CAV3: variants seen among roughly 807,000 people sequenced by gnomAD.
CAV3 encodes the protein caveolin 3.
Under a neutral mutation model 13.4 loss-of-function variants are expected in CAV3, and 10 were observed. The ratio of observed to expected loss-of-function variants is 0.75; its 90% CI spans 0.46 to 1.27. The LOEUF is 1.27. CAV3 is among the 50% of genes most tolerant of loss of function. The pLI, the probability that CAV3 is intolerant of heterozygous loss-of-function variation, is 0.00. For missense variants in CAV3, 162 were observed against 194.0 expected (o/e 0.83, Z 0.98); for synonymous variants, 90 against 79.0 (o/e 1.14, Z -0.74).
Position 8,733,814 on chromosome 3 carries a change from T to C in CAV3, c.-63T>C. The C allele has an allele frequency of 1.0e-6, 1 of 991,484 alleles. No homozygotes were observed. The highest frequency in any genetic ancestry group is 1.3e-5 in the South Asian group (1 of 76,054). 61.4% of individuals were successfully genotyped at this position (991,484 alleles called of 1,614,324 possible). A position where few individuals can be genotyped will look rare whatever the true frequency, so the allele number is the denominator to read the frequency against. ...ACTGAATTGGTCTCTCTGCCCCAAG[T>C]ATTTTCAGCCCCAGCCGGCCACACA... On this transcript the variant is annotated 5_prime_UTR_variant, in exon 1 of 2. Transcript: ENST00000343849.
intron 1 of CAV3, among the ~76,000 whole-genome samples, chr3:8,744,484 G>A (rs1343581084): frequency 7.4e-6 from 1 of 135,130 alleles, no homozygotes; most frequent in African/African-American, 2.9e-5. Flanking sequence ...TTTTAGTAGA[G>A]ACAGGGTTTC....
At chr3:8,742,577 G>A (rs1708011033) in intron 1 of CAV3, 2 of 451,526 alleles carry the variant, frequency 4.4e-6, no homozygotes, top group South Asian at 1.6e-5. Flanking sequence ...TTTCTCAGAT[G>A]TATTTTCGAG....
chr3:8,734,505 C>A (rs924187765), intron 1 of CAV3, among the ~76,000 whole-genome samples: 1 of 152,084 alleles, frequency 6.6e-6, no homozygotes, highest in Non-Finnish European at 1.5e-5. Flanking sequence ...CCATGCCCAG[C>A]CCTCCCCTAG....
intron 1 of CAV3, among the ~76,000 whole-genome samples, chr3:8,736,109 T>C (rs1707744590): frequency 6.6e-6 from 1 of 152,220 alleles, no homozygotes; most frequent in South Asian, 2.1e-4. Flanking sequence ...ATATTATTAG[T>C]TATGGTTTCC....
At chr3:8,740,583 C>T (rs927622534) in intron 1 of CAV3, among the ~76,000 whole-genome samples, 1 of 152,192 alleles carries the variant, frequency 6.6e-6, no homozygotes, top group African/African-American at 2.4e-5. Flanking sequence ...CCTTGCAGCC[C>T]TCTGTTATCT....
At chr3:8,737,605 T>G (rs998048520) in intron 1 of CAV3, among the ~76,000 whole-genome samples, 5 of 152,110 alleles carry the variant, frequency 3.3e-5, no homozygotes, top group Non-Finnish European at 7.4e-5. Flanking sequence ...TCATGGAGAT[T>G]GTAGCTGAGG....
At chr3:8,739,078 G>A (rs1332519637) in intron 1 of CAV3, among the ~76,000 whole-genome samples, 1 of 152,178 alleles carries the variant, frequency 6.6e-6, no homozygotes, top group Non-Finnish European at 1.5e-5. Flanking sequence ...GAAATGTCTT[G>A]CCCTCTGTCA....
rs1708165457 is a variant in CAV3 at position 8,746,460 on chromosome 3, T to TAC, written c.*596_*597dup. On this transcript the variant is annotated 3_prime_UTR_variant, in exon 2 of 2. Coordinates refer to ENST00000343849, the MANE Select transcript of CAV3 (RefSeq NM_033337.3). Reference sequence around the variant, plus strand: ...CGGATTCTATTGTTTGCTGGAACCGTACACGTTCCTTGGAAGATCATGTTT... The same window carrying TAC: ...CGGATTCTATTGTTTGCTGGAACCGTACACACGTTCCTTGGAAGATCATGTTT... 1 of 152,790 alleles carries TAC rather than the reference T, an allele frequency of 6.5e-6. No individual in the cohort carries two copies. Among genetic ancestry groups the TAC allele is most frequent in the Non-Finnish European group, 1.5e-5 (1 of 68,516 alleles). The allele number at this position is 152,790 out of a possible 1,614,324, so 9.5% of individuals were successfully genotyped here.
chr3:8,739,621 C>CA (rs35987481), intron 1 of CAV3, among the ~76,000 whole-genome samples: 10,464 of 126,268 alleles, frequency 0.083, 470 homozygotes, highest in East Asian at 0.22. Flanking sequence ...ATTCCTTCTC[C>CA]AAAAAAAAAA....
intron 1 of CAV3, among the ~76,000 whole-genome samples, chr3:8,740,138 G>A (rs1040173489): frequency 1.3e-5 from 2 of 152,170 alleles, no homozygotes; most frequent in Admixed American, 6.5e-5. Context: ...CCAGAGCAGA[G>A]TATAAAAGTG....
intron 1 of CAV3, among the ~76,000 whole-genome samples, chr3:8,736,052 C>G (rs547923445): frequency 6.6e-6 from 1 of 152,322 alleles, no homozygotes; most frequent in South Asian, 2.1e-4. Flanking sequence ...ACAAATTTCA[C>G]AAACTGTAAA....
At chr3:8,742,462 T>C (rs1006479085) in intron 1 of CAV3, 1 of 456,404 alleles carries the variant, frequency 2.2e-6, no homozygotes, top group Non-Finnish European at 4.4e-6. Context: ...TACTTACTAC[T>C]GTAAGGAAAG....
intron 1 of CAV3, among the ~76,000 whole-genome samples, chr3:8,743,234 T>C (rs954899801): frequency 2.0e-5 from 3 of 152,152 alleles, no homozygotes; most frequent in African/African-American, 7.2e-5. Flanking sequence ...ACAAACATCC[T>C]AACCATCTCA....
At chr3:8,741,949 C>T (rs1305301536) in intron 1 of CAV3, among the ~76,000 whole-genome samples, 1 of 152,190 alleles carries the variant, frequency 6.6e-6, no homozygotes, top group Non-Finnish European at 1.5e-5. Flanking sequence ...CACCATCGTT[C>T]CCCCTTCCTC....
At chr3:8,741,022 T>C (rs1019783747) in intron 1 of CAV3, among the ~76,000 whole-genome samples, 1 of 152,264 alleles carries the variant, frequency 6.6e-6, no homozygotes. Flanking sequence ...GGTGTTACCA[T>C]GGTTATCCCA....
intron 1 of CAV3, among the ~76,000 whole-genome samples, chr3:8,738,105 C>T (rs1278081420): frequency 1.3e-5 from 2 of 151,854 alleles, no homozygotes; most frequent in Non-Finnish European, 2.9e-5. Flanking sequence ...CACACATAGG[C>T]CCCCAGGGCC....
Position 8,736,029 on chromosome 3 carries a change from G to C in CAV3, c.114+2039G>C, listed in dbSNP as rs187518622. Among the ~76,000 whole-genome samples the C allele has an allele frequency of 3.6e-3, 543 of 152,230 alleles. 4 individuals carry two copies. Among genetic ancestry groups the C allele is most frequent in the Non-Finnish European group, 6.4e-3 (434 of 68,028 alleles). ...TAGCACAGTGTGAAAGCTGAAATGA[G>C]GAAAATTAGGAAACAAATTTCACAA... is the stretch of plus-strand genomic sequence containing the variant. On this transcript the variant is annotated intron_variant, in intron 1 of 1. Coordinates refer to ENST00000343849, the MANE Select transcript of CAV3 (RefSeq NM_033337.3).
intron 1 of CAV3, among the ~76,000 whole-genome samples, chr3:8,740,224 G>T (rs1157109871): frequency 1.3e-5 from 2 of 152,090 alleles, no homozygotes. Flanking sequence ...TCTAGAACTG[G>T]CACAACATCC....
At chr3:8,742,291 C>T (rs879563707) in intron 1 of CAV3, among the ~76,000 whole-genome samples, 3 of 149,990 alleles carry the variant, frequency 2.0e-5, no homozygotes, top group Non-Finnish European at 4.4e-5. Context: ...GCACTTGCCC[C>T]ACACACAGCA....
Sources: gnomAD v4.1 joint callset for allele counts (sites outside exome capture counted in the v4.1 genomes callset) on GRCh38, gnomAD v4.1.1 for gene constraint, MANE v1.5 for transcripts, NCBI Gene and HGNC (gene_info 2026-07-23, HGNC 2026-07-21) for gene names.